GSTM3: variants seen among roughly 807,000 people sequenced by gnomAD.
The protein encoded by GSTM3 is GST class-mu 3.
In GSTM3, 34 loss-of-function variants were observed where a neutral mutation model predicts 36.1. The ratio of observed to expected loss-of-function variants is 0.94; its 90% CI spans 0.72 to 1.25. The LOEUF (loss-of-function observed/expected upper bound fraction) is 1.25, where lower values mean the gene tolerates loss of function less well. GSTM3 is among the 50% of genes most tolerant of loss of function. GSTM3 has a pLI of 0.00. For synonymous variants in GSTM3, 102 were observed against 99.5 expected, an observed-to-expected ratio of 1.03 and a Z score of -0.15; for missense variants, 266 against 281.6, an observed-to-expected ratio of 0.94 and a Z score of 0.40.
rs756172132 is a variant in GSTM3, at chr1:109,737,037, G to T, written c.*34C>A. Reference sequence around the variant, plus strand: ...AGCGCTGACCCCTTACGGACAGGATGAAACAAAACAAGCTCTGCAAGTCTG... The same window carrying T: ...AGCGCTGACCCCTTACGGACAGGATTAAACAAAACAAGCTCTGCAAGTCTG... On this transcript the variant is annotated 3_prime_UTR_variant, in exon 9 of 9. Coordinates refer to ENST00000361066, the MANE Select transcript of GSTM3 (RefSeq NM_000849.5). 5 of 1,356,584 alleles carry T rather than the reference G, an allele frequency of 3.7e-6. No homozygotes were observed. The highest frequency in any genetic ancestry group is 5.3e-6 in the Non-Finnish European group (5 of 945,118). 84.0% of individuals were successfully genotyped at this position (1,356,584 alleles called of 1,614,324 possible).
At chr1:109,738,449 G>A (rs984843674) in intron 4 of GSTM3, 83 bp from the exon 5 acceptor site, 7 of 873,496 alleles carry the variant, frequency 8.0e-6, no homozygotes, top group Non-Finnish European at 1.9e-6. Context: ...AAGAACACTT[G>A]CAGGGCAGTG....
Position 109,737,587 on chromosome 1 carries a change from A to G in GSTM3, c.469-20T>C, listed in dbSNP as rs1286286872. 3.2e-6 allele frequency: 5 copies of G among 1,559,630 alleles called. No individual in the cohort carries two copies. The highest frequency in any genetic ancestry group is 4.4e-6 in the Non-Finnish European group (5 of 1,130,564). ...GGTGAGCTAGAAGAAAAGCAATAAG[A>G]TGCTTAGGTCTGAGGAGTAGTAGCC... On this transcript the variant is annotated intron_variant, in intron 7 of 8. Transcript: ENST00000361066.
chr1:109,740,416 G>A lies in GSTM3; in HGVS notation c.-129C>T. ...GCCTCCGCCCCGTTCTCCGTCCCTT[G>A]CCTCCGCGGCTCCACAGGGCCGTGC... On this transcript the variant is annotated 5_prime_UTR_variant, in exon 2 of 9. Transcript: ENST00000361066. 1.3e-6 allele frequency: 1 copy of A among 774,918 alleles called. No individual in the cohort carries two copies. The highest frequency in any genetic ancestry group is 2.1e-6 in the Non-Finnish European group (1 of 474,258). The allele number at this position is 774,918 out of a possible 1,614,324, so 48.0% of individuals were successfully genotyped here. A position where few individuals can be genotyped will look rare whatever the true frequency, so the allele number is the denominator to read the frequency against.
In GSTM3 at chr1:109,739,421, C is replaced by G. The variant is rs372573919; in HGVS notation, c.189+8G>C. ...CTTCTGCCCGCCACCTCTACTAAAG[C>G]CACTTACATTAGGAAAGTCCAGGTC... On this transcript the variant is annotated splice_region_variant and intron_variant, in intron 4 of 8. Transcript: ENST00000361066. The G allele has an allele frequency of 6.2e-7, 1 of 1,604,688 alleles. No homozygotes were observed. Among genetic ancestry groups the G allele is most frequent in the Non-Finnish European group, 8.5e-7 (1 of 1,172,164 alleles).
Position 109,737,061 on chromosome 1 carries a change from T to G in GSTM3, c.*10A>C, listed in dbSNP as rs201374956. On this transcript the variant is annotated 3_prime_UTR_variant, in exon 9 of 9. Transcript: ENST00000361066. Reference sequence around the variant, plus strand: ...TGAAACAAAACAAGCTCTGCAAGTCTGCCTCCTGCTCAGCATACAGGCTTG... The same window carrying G: ...TGAAACAAAACAAGCTCTGCAAGTCGGCCTCCTGCTCAGCATACAGGCTTG... The G allele has an allele frequency of 1.9e-6, 3 of 1,558,508 alleles. No homozygotes were observed. The highest frequency in any genetic ancestry group is 2.7e-5 in the African/African-American group (2 of 74,156).
At chr1:109,740,642 C>G (rs1038475645) in intron 1 of GSTM3, 131 bp from the exon 2 acceptor site, 1 of 301,710 alleles carries the variant, frequency 3.3e-6, no homozygotes, top group African/African-American at 2.3e-5. Context: ...ACCCTAGTTA[C>G]CCAGGGAGAG....
intron 8 of GSTM3, 32 bp from the exon 9 acceptor site, chr1:109,737,201 A>G (rs774991987): frequency 1.4e-6 from 2 of 1,425,022 alleles, no homozygotes; most frequent in South Asian, 2.3e-5. Flanking sequence ...TCTTATAACG[A>G]CCCCAACCCA....
Position 109,737,466 on chromosome 1 carries a change from G to A in GSTM3, c.570C>T (p.Cys190=), listed in dbSNP as rs61747616. The change falls in exon 8 of 9, where the codon TGC becomes TGT. Residue 190 remains cysteine, a synonymous_variant. Transcript: ENST00000361066. ...GTGCAGGAAACGTCACCTCAAAACG[G>A]CACATGAAAGCCTTCAGGTTTGGGA... The part of the protein sequence containing the change: ...DEFPNLKAFM[C]RFEALEKIAA... 8.0e-5 allele frequency: 128 copies of A among 1,598,524 alleles called. 1 individual carries two copies. The South Asian group carries it at 1.3e-3, about 17-fold the overall frequency.
intron 3 of GSTM3, 39 bp downstream of exon 3, chr1:109,739,794 G>T: frequency 6.8e-7 from 1 of 1,461,960 alleles, no homozygotes; most frequent in Non-Finnish European, 9.4e-7. Flanking sequence ...GGCAGGTGGA[G>T]GGCCAGCTTG....
At chr1:109,740,128 C>T (rs1398080135) in intron 2 of GSTM3, 112 bp downstream of exon 2, 3 of 1,082,746 alleles carry the variant, frequency 2.8e-6, no homozygotes, top group East Asian at 5.1e-5. Flanking sequence ...CTCGGCAGCT[C>T]GAAAAGGCTC....
At chr1:109,739,753 C>T in intron 3 of GSTM3, 80 bp downstream of exon 3, 2 of 1,123,186 alleles carry the variant, frequency 1.8e-6, no homozygotes, top group South Asian at 1.4e-5. Context: ...CTTGGCGCGA[C>T]GCCACCACCC....
chr1:109,737,828 T>G, intron 6 of GSTM3, 77 bp from the exon 7 acceptor site: 1 of 877,512 alleles, frequency 1.1e-6, no homozygotes, highest in Non-Finnish European at 1.8e-6. Context: ...TGATGGACAC[T>G]TAGTAGCCCC....
chr1:109,737,244 C>T, intron 8 of GSTM3, 75 bp from the exon 9 acceptor site: 8 of 1,037,044 alleles, frequency 7.7e-6, no homozygotes, highest in Non-Finnish European at 1.1e-5. Flanking sequence ...CAGCAACATT[C>T]ACGTGTTGCC....
intron 2 of GSTM3, 128 bp from the exon 3 acceptor site, chr1:109,740,036 G>T: frequency 1.1e-6 from 1 of 919,032 alleles, no homozygotes; most frequent in Non-Finnish European, 1.7e-6. Flanking sequence ...GCGGCCCCTA[G>T]GCCCGGCTCC....
At chr1:109,739,775 G>C in intron 3 of GSTM3, 58 bp downstream of exon 3, 1 of 1,320,810 alleles carries the variant, frequency 7.6e-7, no homozygotes, top group Middle Eastern at 1.8e-4. Context: ...CTGGGCGTAA[G>C]AAGACCAGGG....
Position 109,734,084 on chromosome 1 carries a change from G to A in GSTM3, c.*2987C>T, listed in dbSNP as rs1204497167. The A allele has an allele frequency of 2.0e-5, 3 of 152,216 alleles. No homozygotes were observed. The highest frequency in any genetic ancestry group is 2.9e-5 in the Non-Finnish European group (2 of 68,054). The allele number at this position is 152,216 out of a possible 1,614,324, so 9.4% of individuals were successfully genotyped here. On this transcript the variant is annotated 3_prime_UTR_variant, in exon 9 of 9. Coordinates refer to ENST00000361066, the MANE Select transcript of GSTM3 (RefSeq NM_000849.5). ...AGTCTTCTGTGGGTTTTGCCCAGAT[G>A]AGAGAAGTAACATTTTCTTCTTGGG...
chr1:109,737,795 T>C (rs769291393), intron 6 of GSTM3, 44 bp from the exon 7 acceptor site: 1 of 1,217,502 alleles, frequency 8.2e-7, no homozygotes, highest in South Asian at 1.4e-5. Flanking sequence ...ATCATCTTTG[T>C]AGTTAATCAG....
chr1:109,737,138 G>A lies in GSTM3; in HGVS notation c.611C>T (p.Ser204Phe). 1 of 1,613,728 alleles carries A rather than the reference G, an allele frequency of 6.2e-7. No homozygotes were observed. The highest frequency in any genetic ancestry group is 8.5e-7 in the Non-Finnish European group (1 of 1,179,600). The change falls in exon 9 of 9, where the codon TCT becomes TTT. Residue 204 changes from serine to phenylalanine, a missense_variant. Physicochemically the swap from Ser to Phe is radical, Grantham distance 155 (BLOSUM62 -2). Coordinates refer to ENST00000361066, the MANE Select transcript of GSTM3 (RefSeq NM_000849.5). ...GATGGGCATCTTGCAGAACTGATCAGACTGTAAGTAGGCAGCGATTTTCTC... is the reference window on the plus strand; with the variant it reads ...GATGGGCATCTTGCAGAACTGATCAAACTGTAAGTAGGCAGCGATTTTCTC... ...ALEKIAAYLQ[S>F]DQFCKMPINN...
In GSTM3 at chr1:109,740,432, A is replaced by G. The variant is rs1382063445; in HGVS notation, c.-145T>C. The G allele has an allele frequency of 5.7e-6, 4 of 698,296 alleles. No homozygotes were observed. Among genetic ancestry groups the G allele is most frequent in the African/African-American group, 1.8e-5 (1 of 55,026 alleles). The allele number at this position is 698,296 out of a possible 1,614,324, so 43.3% of individuals were successfully genotyped here. A position where few individuals can be genotyped will look rare whatever the true frequency, so the allele number is the denominator to read the frequency against. ...CCGTCCCTTGCCTCCGCGGCTCCAC[A>G]GGGCCGTGCGCAGGCGCGACTAATG... On this transcript the variant is annotated 5_prime_UTR_variant, in exon 2 of 9. Transcript: ENST00000361066.
Sources: gnomAD v4.1 joint callset for allele counts on GRCh38, gnomAD v4.1.1 for gene constraint, MANE v1.5 for transcripts, NCBI Gene and HGNC (gene_info 2026-07-23, HGNC 2026-07-21) for gene names.